Variants in EYS observed in about 807,000 individuals in gnomAD.
EYS encodes EGF-like photoreceptor maintenance factor, also known as protein eyes shut homolog.
A neutral mutation model predicts 282.1 loss-of-function variants in EYS; 250 were observed. The ratio of observed to expected loss-of-function variants is 0.89; its 90% CI spans 0.80 to 0.98. The LOEUF (loss-of-function observed/expected upper bound fraction) is 0.98, where lower values mean the gene tolerates loss of function less well. Ranked by LOEUF, EYS falls within the 50% of genes least tolerant of loss-of-function variation. The pLI, the probability that EYS is intolerant of heterozygous loss-of-function variation, is 0.00. For missense variants in EYS, 4,016 were observed against 3,709.0 expected (o/e 1.08, Z -2.15); for synonymous variants, 1,355 against 1,282.9 (o/e 1.06, Z -1.20).
At chr6:64,772,552 C>T (rs1190138339) in intron 22 of EYS, among the ~76,000 whole-genome samples, 1 of 151,574 alleles carries the variant, frequency 6.6e-6, no homozygotes, top group East Asian at 1.9e-4. Context: ...CTACAGTAAA[C>T]TACTGTTGAC....
chr6:65,091,646 T>A (rs187430557), intron 12 of EYS, among the ~76,000 whole-genome samples: 1 of 152,232 alleles, frequency 6.6e-6, no homozygotes, highest in African/African-American at 2.4e-5. Context: ...GTTTTTATTG[T>A]ATTTATCTGC....
At chr6:65,096,960 C>T (rs752967847) in intron 12 of EYS, among the ~76,000 whole-genome samples, 8 of 150,420 alleles carry the variant, frequency 5.3e-5, no homozygotes, top group Non-Finnish European at 9.0e-5. Flanking sequence ...GGATATGATG[C>T]CAAAAGAACA....
At chr6:64,850,581 G>A (rs1322525492) in intron 19 of EYS, among the ~76,000 whole-genome samples, 1 of 152,018 alleles carries the variant, frequency 6.6e-6, no homozygotes, top group Non-Finnish European at 1.5e-5. Context: ...CTAGAAGACT[G>A]AAAATTATTC....
intron 22 of EYS, among the ~76,000 whole-genome samples, chr6:64,687,710 G>C (rs1009692651): frequency 6.6e-5 from 10 of 152,298 alleles, no homozygotes; most frequent in Admixed American, 5.2e-4. Context: ...GCCACGCTTT[G>C]TTATCAGCAT....
chr6:65,275,018 T>C (rs1289524746), intron 12 of EYS, among the ~76,000 whole-genome samples: 2 of 152,080 alleles, frequency 1.3e-5, no homozygotes, highest in East Asian at 3.9e-4. Flanking sequence ...TCTGAAAAGC[T>C]GCTAGTTTGA....
intron 33 of EYS, among the ~76,000 whole-genome samples, chr6:64,045,805 A>G (rs1770594799): frequency 6.6e-6 from 1 of 150,404 alleles, no homozygotes; most frequent in African/African-American, 2.4e-5. Context: ...ATATATATGT[A>G]TGTATGTGTA....
chr6:64,332,249 T>A (rs557628681), intron 29 of EYS, among the ~76,000 whole-genome samples: 2 of 152,188 alleles, frequency 1.3e-5, no homozygotes, highest in African/African-American at 2.4e-5. Context: ...TGTGAGATAG[T>A]GTTCGGCTGA....
At chr6:65,166,764 T>C (rs1244264687) in intron 12 of EYS, among the ~76,000 whole-genome samples, 1 of 151,236 alleles carries the variant, frequency 6.6e-6, no homozygotes, top group East Asian at 2.0e-4. Context: ...ACCCATAGAA[T>C]GGTAGAAAAT....
intron 14 of EYS, among the ~76,000 whole-genome samples, chr6:64,975,195 T>G (rs1366414690): frequency 6.6e-6 from 1 of 151,850 alleles, no homozygotes; most frequent in African/African-American, 2.4e-5. Context: ...TGATATTGAT[T>G]AGAAACTGCA....
chr6:64,545,458 C>A (rs1764826056), intron 26 of EYS, among the ~76,000 whole-genome samples: 1 of 152,170 alleles, frequency 6.6e-6, no homozygotes, highest in African/African-American at 2.4e-5. Context: ...TGAAAACTGG[C>A]ACAAGACAGG....
At chr6:65,185,145 C>A (rs1765487783) in intron 12 of EYS, among the ~76,000 whole-genome samples, 1 of 151,604 alleles carries the variant, frequency 6.6e-6, no homozygotes, top group Non-Finnish European at 1.5e-5. Context: ...CATAGATCCA[C>A]TAAAATATTA....
At chr6:64,248,217 G>A (rs1767081617) in intron 30 of EYS, among the ~76,000 whole-genome samples, 2 of 143,642 alleles carry the variant, frequency 1.4e-5, no homozygotes, top group South Asian at 2.2e-4. Flanking sequence ...GTGTGTGTGT[G>A]TGTATAGGTG....
chr6:63,816,989 C>T (rs1004632076), intron 36 of EYS, among the ~76,000 whole-genome samples: 1 of 152,100 alleles, frequency 6.6e-6, no homozygotes, highest in Non-Finnish European at 1.5e-5. Context: ...GCATTTTGTT[C>T]CAAGTACAGA....
Position 64,849,657 on chromosome 6 carries a change from A to AT in EYS, c.2993-26836dup, listed in dbSNP as rs200617189. Among the ~76,000 whole-genome samples the AT allele has an allele frequency of 4.2e-3, 639 of 152,046 alleles. 2 individuals carry two copies. The highest frequency in any genetic ancestry group is 0.015 in the African/African-American group (605 of 41,514). Reference sequence around the variant, plus strand: ...TCTTTTCTGGAGGCTCTGGGGAGGAATTTTTTATAAGCTCATTCAAGTTGT... The same window carrying AT: ...TCTTTTCTGGAGGCTCTGGGGAGGAATTTTTTTATAAGCTCATTCAAGTTGT... On this transcript the variant is annotated intron_variant, in intron 19 of 42. Coordinates refer to ENST00000503581, the MANE Select transcript of EYS (RefSeq NM_001142800.2).
chr6:64,917,222 C>A (rs1005686166), intron 15 of EYS, among the ~76,000 whole-genome samples: 1 of 148,124 alleles, frequency 6.8e-6, no homozygotes. Flanking sequence ...GCATTCCAGC[C>A]TGGGTGACAG....
At chr6:64,076,680 A>C (rs547216362) in intron 32 of EYS, among the ~76,000 whole-genome samples, 1 of 150,978 alleles carries the variant, frequency 6.6e-6, no homozygotes, top group East Asian at 1.9e-4. Flanking sequence ...TGATTGTGAG[A>C]CCTCCCCAGC....
intron 33 of EYS, among the ~76,000 whole-genome samples, chr6:64,035,738 T>A (rs913885504): frequency 2.0e-5 from 3 of 152,234 alleles, no homozygotes; most frequent in African/African-American, 7.2e-5. Context: ...TTTCATGTCA[T>A]CCTAAATGCT....
At chr6:65,535,766 G>A (rs1260162619) in intron 2 of EYS, among the ~76,000 whole-genome samples, 1 of 152,054 alleles carries the variant, frequency 6.6e-6, no homozygotes, top group Non-Finnish European at 1.5e-5. Context: ...ACCCACATTA[G>A]GAAAGGCCAT....
intron 22 of EYS, among the ~76,000 whole-genome samples, chr6:64,784,331 T>C (rs1395391620): frequency 6.6e-6 from 1 of 152,168 alleles, no homozygotes; most frequent in Non-Finnish European, 1.5e-5. Flanking sequence ...TTTATATATA[T>C]GTCCGTGATA....
Sources: allele counts gnomAD v4.1 joint callset (sites outside exome capture counted in the v4.1 genomes callset), GRCh38; gene constraint gnomAD v4.1.1; transcripts MANE v1.5; gene names NCBI Gene and HGNC (gene_info 2026-07-23, HGNC 2026-07-21).